ASB18: variants seen among roughly 807,000 people sequenced by gnomAD.
The protein encoded by ASB18 is ankyrin repeat and SOCS box protein 18.
In ASB18, 33 loss-of-function variants were observed where a neutral mutation model predicts 33.4. That is an observed-to-expected ratio of 0.99 (90% confidence interval 0.75 to 1.32). The LOEUF (loss-of-function observed/expected upper bound fraction) is 1.32. ASB18 is among the 40% of genes most tolerant of loss of function. ASB18 has a pLI of 0.00. For synonymous variants in ASB18, 295 were observed against 307.6 expected (o/e 0.96, Z 0.43); for missense variants, 694 against 655.5 (o/e 1.06, Z -0.64).
At chr2:236,212,242 G>A (rs1460214756) in intron 4 of ASB18, among the ~76,000 whole-genome samples, 3 of 152,146 alleles carry the variant, frequency 2.0e-5, no homozygotes, top group African/African-American at 2.4e-5. Flanking sequence ...TTTCTGTGTG[G>A]CTGACATAGT....
rs200717235 is a variant in ASB18, at chr2:236,209,273, CT to C, written c.1101+5088del. Reference sequence around the variant, plus strand: ...GATTTGCAGATGTTTCTAGAATCTGCTTTTTTTTTTTTTTTTTAAGACAAGG... The same window carrying C: ...GATTTGCAGATGTTTCTAGAATCTGCTTTTTTTTTTTTTTTTAAGACAAGG... On this transcript the variant is annotated intron_variant, in intron 4 of 5. Coordinates refer to ENST00000409749, the MANE Select transcript of ASB18 (RefSeq NM_212556.4). This position sits in a 1 kb window ranked among gnomAD's most constrained non-coding sequence, Gnocchi z 4.4. Among the ~76,000 whole-genome samples, 633 of 139,244 alleles carry C rather than the reference CT, an allele frequency of 4.5e-3. No homozygotes were observed. The highest frequency in any genetic ancestry group is 6.1e-3 in the Admixed American group (84 of 13,840). 91.3% of individuals were successfully genotyped at this position (139,244 alleles called of 152,430 possible).
chr2:236,200,394 G>A lies in ASB18; in HGVS notation c.1102-4009C>T, dbSNP rs1246878445. Among the ~76,000 whole-genome samples, 1 of 152,160 alleles carries A rather than the reference G, an allele frequency of 6.6e-6. No homozygotes were observed. The highest frequency in any genetic ancestry group is 6.5e-5 in the Admixed American group (1 of 15,272). On this transcript the variant is annotated intron_variant, in intron 4 of 5. Transcript: ENST00000409749. The surrounding 1 kb of genome is among the most constrained non-coding windows in gnomAD (Gnocchi z 4.2). ...TTCGATATGGGATCATTCCAGAAGTGTTTATTGATACAGGAACTATTTAAC... is the reference window on the plus strand; with the variant it reads ...TTCGATATGGGATCATTCCAGAAGTATTTATTGATACAGGAACTATTTAAC...
Position 236,238,354 on chromosome 2 carries a change from C to T in ASB18, c.329-398G>A, listed in dbSNP as rs2060606022. On this transcript the variant is annotated intron_variant, in intron 2 of 5. Coordinates refer to ENST00000409749, the MANE Select transcript of ASB18 (RefSeq NM_212556.4). This position sits in a 1 kb window ranked among gnomAD's most constrained non-coding sequence, Gnocchi z 5.2. ...ACGTGTTCCAGGCCCTGAGTTAGGGCAGCTTGAAAGAGGAAAGTGGGTTGT... is the reference window on the plus strand; with the variant it reads ...ACGTGTTCCAGGCCCTGAGTTAGGGTAGCTTGAAAGAGGAAAGTGGGTTGT... Among the ~76,000 whole-genome samples the T allele has an allele frequency of 6.6e-6, 1 of 152,136 alleles. No homozygotes were observed. Among genetic ancestry groups the T allele is most frequent in the Non-Finnish European group, 1.5e-5 (1 of 68,038 alleles).
rs2106266668 is a variant in ASB18 at position 236,209,498 on chromosome 2, G to A, written c.1101+4864C>T. ...TTGTCTAGGCCAGTCTCAAACTGCT[G>A]GGCTCAAGTCATCCTTGTGCCTCCC... On this transcript the variant is annotated intron_variant, in intron 4 of 5. Transcript: ENST00000409749. This position sits in a 1 kb window ranked among gnomAD's most constrained non-coding sequence, Gnocchi z 4.4. Among the ~76,000 whole-genome samples the A allele has an allele frequency of 6.6e-6, 1 of 152,176 alleles. No individual in the cohort carries two copies. The highest frequency in any genetic ancestry group is 1.9e-4 in the East Asian group (1 of 5,170).
Position 236,196,304 on chromosome 2 carries a change from A to AGGACTCT in ASB18, c.1176_1182dup (p.Trp395ArgfsTer9), listed in dbSNP as rs748054871. The AGGACTCT allele has an allele frequency of 2.6e-6, 4 of 1,561,012 alleles. No individual in the cohort carries two copies. In the South Asian group the frequency reaches 4.7e-5, roughly 18 times the overall value. On this transcript the variant is annotated frameshift_variant, in exon 5 of 6. Transcript: ENST00000409749. LOFTEE classifies it low-confidence loss of function (END_TRUNC). The surrounding 1 kb of genome is among the most constrained non-coding windows in gnomAD (Gnocchi z 5.6). Reference sequence around the variant, plus strand: ...ACTTCCTCAGGAATCACTTCCTTCCAGGACTCTGACAAGCAGAGCTGAGGG... The same window carrying AGGACTCT: ...ACTTCCTCAGGAATCACTTCCTTCCAGGACTCTGGACTCTGACAAGCAGAGCTGAGGG...
rs552657867 is a variant in ASB18, at chr2:236,204,504, C to T, written c.1102-8119G>A. On this transcript the variant is annotated intron_variant, in intron 4 of 5. Transcript: ENST00000409749. The surrounding 1 kb of genome is among the most constrained non-coding windows in gnomAD (Gnocchi z 5.1). ...CTGGTGATCTTATCTGGTTTCCTGG[C>T]TTTAAATACCATCCTTTGTCACTGA... Among the ~76,000 whole-genome samples the T allele has an allele frequency of 6.6e-6, 1 of 152,298 alleles. No individual in the cohort carries two copies.
chr2:236,255,085 G>A lies in ASB18; in HGVS notation c.205+9056C>T, dbSNP rs1008500844. Among the ~76,000 whole-genome samples the A allele has an allele frequency of 4.6e-5, 7 of 152,270 alleles. No individual in the cohort carries two copies. The South Asian group carries it at 1.0e-3, about 23-fold the overall frequency. ...TCTCCCCAGAAGCCGAAGCCGCTAC[G>A]CTTCCTGTACAGCCTGCAGAACCGT... On this transcript the variant is annotated intron_variant, in intron 1 of 5. Coordinates refer to ENST00000409749, the MANE Select transcript of ASB18 (RefSeq NM_212556.4). The surrounding 1 kb of genome is among the most constrained non-coding windows in gnomAD (Gnocchi z 4.4).
In ASB18 at chr2:236,237,647, C is replaced by T. The variant is rs11680052; in HGVS notation, c.596+42G>A. 281,883 of 1,237,680 alleles carry T rather than the reference C, an allele frequency of 0.23. 31,441 individuals are homozygous for T. The highest frequency in any genetic ancestry group is 0.3 in the African/African-American group (15,693 of 52,946). 76.7% of individuals were successfully genotyped at this position (1,237,680 alleles called of 1,614,324 possible). A position where few individuals can be genotyped will look rare whatever the true frequency, so the allele number is the denominator to read the frequency against. ...GTGGGGGGAGGCGGGCGTCTGGTCT[C>T]GGGGCGGGGCGGACGCCGCGGGCCT... On this transcript the variant is annotated intron_variant, in intron 3 of 5. Coordinates refer to ENST00000409749, the MANE Select transcript of ASB18 (RefSeq NM_212556.4). The surrounding 1 kb of genome is among the most constrained non-coding windows in gnomAD (Gnocchi z 6.2).
Position 236,194,832 on chromosome 2 carries a change from A to T in ASB18, c.*40T>A. 6.4e-7 allele frequency: 1 copy of T among 1,559,700 alleles called. No homozygotes were observed. Among genetic ancestry groups the T allele is most frequent in the South Asian group, 1.2e-5 (1 of 83,794 alleles). On this transcript the variant is annotated 3_prime_UTR_variant, in exon 6 of 6. Coordinates refer to ENST00000409749, the MANE Select transcript of ASB18 (RefSeq NM_212556.4). This position sits in a 1 kb window ranked among gnomAD's most constrained non-coding sequence, Gnocchi z 4.5. Reference sequence around the variant, plus strand: ...CAACACACGGCCTCCATGGAAGGTCAGCGAGGAGAACAACAGTATTGGTTG... The same window carrying T: ...CAACACACGGCCTCCATGGAAGGTCTGCGAGGAGAACAACAGTATTGGTTG...
At chr2:236,247,463 C>A (rs969159953) in intron 1 of ASB18, 1 of 152,190 alleles carries the variant, frequency 6.6e-6, no homozygotes, top group African/African-American at 2.4e-5. Context: ...CTCCAGAAGA[C>A]AGAAGTTCTT....
rs1327649124 is a variant in ASB18 at position 236,217,557 on chromosome 2, A to T, written c.597-2691T>A. ...AAAACATATTGAACAAACACATTCC[A>T]TTAATTAACATCTTTCAGCTTTTCT... On this transcript the variant is annotated intron_variant, in intron 3 of 5. Coordinates refer to ENST00000409749, the MANE Select transcript of ASB18 (RefSeq NM_212556.4). The surrounding 1 kb of genome is among the most constrained non-coding windows in gnomAD (Gnocchi z 5.2). 6.6e-6 allele frequency among the ~76,000 whole-genome samples: 1 copy of T among 152,170 alleles called. No homozygotes were observed. The highest frequency in any genetic ancestry group is 2.4e-5 in the African/African-American group (1 of 41,444).
intron 1 of ASB18, among the ~76,000 whole-genome samples, chr2:236,242,116 C>CA (rs1198928471): frequency 6.6e-6 from 1 of 152,130 alleles, no homozygotes; most frequent in East Asian, 1.9e-4. Flanking sequence ...TCTTTACTCC[C>CA]AATAACAACC....
chr2:236,194,663 A>T lies in ASB18; in HGVS notation c.*209T>A, dbSNP rs967333183. On this transcript the variant is annotated 3_prime_UTR_variant, in exon 6 of 6. Coordinates refer to ENST00000409749, the MANE Select transcript of ASB18 (RefSeq NM_212556.4). This position sits in a 1 kb window ranked among gnomAD's most constrained non-coding sequence, Gnocchi z 4.5. ...CGATTTCACTGGATTTTCACAAGCGACCCTGAGAGGCAGAAAGGGCTTTTG... is the reference window on the plus strand; with the variant it reads ...CGATTTCACTGGATTTTCACAAGCGTCCCTGAGAGGCAGAAAGGGCTTTTG... Among the ~76,000 whole-genome samples the T allele has an allele frequency of 3.3e-5, 5 of 152,170 alleles. No homozygotes were observed. Among genetic ancestry groups the T allele is most frequent in the Admixed American group, 6.5e-5 (1 of 15,278 alleles).
chr2:236,197,779 G>C (rs539660377), intron 4 of ASB18, among the ~76,000 whole-genome samples: 139 of 151,638 alleles, frequency 9.2e-4, no homozygotes, highest in Non-Finnish European at 1.6e-3. Context: ...CCGAGATTGT[G>C]CCATTGCACT....
intron 4 of ASB18, among the ~76,000 whole-genome samples, chr2:236,197,964 G>T (rs1314484613): frequency 6.6e-6 from 1 of 152,178 alleles, no homozygotes; most frequent in Non-Finnish European, 1.5e-5. Context: ...GAGACCAGAG[G>T]TTATGCAACT....
Position 236,214,965 on chromosome 2 carries a change from G to T in ASB18, c.597-99C>A. On this transcript the variant is annotated intron_variant, in intron 3 of 5. Transcript: ENST00000409749. This position sits in a 1 kb window ranked among gnomAD's most constrained non-coding sequence, Gnocchi z 6.5. ...GCAAAATATCAAGTGACCTCTGAATGAAAAGACATGCTCCGCTCTCCCATA... is the reference window on the plus strand; with the variant it reads ...GCAAAATATCAAGTGACCTCTGAATTAAAAGACATGCTCCGCTCTCCCATA... 7 of 871,954 alleles carry T rather than the reference G, an allele frequency of 8.0e-6. No individual in the cohort carries two copies. The highest frequency in any genetic ancestry group is 5.2e-5 in the East Asian group (1 of 19,284). 54.0% of individuals were successfully genotyped at this position (871,954 alleles called of 1,614,324 possible).
chr2:236,224,158 G>T (rs1423251661), intron 3 of ASB18, among the ~76,000 whole-genome samples: 2 of 114,984 alleles, frequency 1.7e-5, no homozygotes, highest in African/African-American at 6.8e-5. Context: ...GTTGCTCCCT[G>T]ATCTTGTCAA....
At chr2:236,212,231 A>G (rs982117508) in intron 4 of ASB18, among the ~76,000 whole-genome samples, 1 of 152,098 alleles carries the variant, frequency 6.6e-6, no homozygotes, top group Non-Finnish European at 1.5e-5. Flanking sequence ...GACTGACCCC[A>G]TTTCTGTGTG....
In ASB18 at chr2:236,232,131, T is replaced by C. The variant is rs192203696; in HGVS notation, c.596+5558A>G. 9.0e-3 allele frequency among the ~76,000 whole-genome samples: 1,369 copies of C among 152,138 alleles called. 8 individuals carry two copies. The highest frequency in any genetic ancestry group is 0.012 in the Non-Finnish European group (846 of 67,982). ...GATCATAAAACAATTCTCAGTAAAT[T>C]TAAAAAGGACTAAAGTCATACAAAG... On this transcript the variant is annotated intron_variant, in intron 3 of 5. Transcript: ENST00000409749.
Sources: gnomAD v4.1 joint callset for allele counts (sites outside exome capture counted in the v4.1 genomes callset) on GRCh38, gnomAD v4.1.1 for gene constraint, Gnocchi (gnomAD v3.1) non-coding constraint, MANE v1.5 for transcripts, NCBI Gene and HGNC (gene_info 2026-07-23, HGNC 2026-07-21) for gene names.